IL1RAP: variants seen among roughly 807,000 people sequenced by gnomAD.
IL1RAP encodes interleukin 1 receptor accessory protein, also known as interleukin-1 receptor accessory protein.
A neutral mutation model predicts 60.7 loss-of-function variants in IL1RAP; 35 were observed. That is an observed-to-expected ratio of 0.58 (90% confidence interval 0.44 to 0.76). The LOEUF is 0.76. Ranked by LOEUF, IL1RAP falls within the 30% of genes least tolerant of loss-of-function variation. The probability of loss-of-function intolerance (pLI) is 0.00; values close to 1 mark genes in which losing one functional copy is unlikely to be tolerated. For synonymous variants in IL1RAP, 268 were observed against 250.9 expected, an observed-to-expected ratio of 1.07 and a Z score of -0.64; for missense variants, 572 against 693.9, an observed-to-expected ratio of 0.82 and a Z score of 1.97.
At chr3:190,575,646 G>A (rs13320341) in intron 3 of IL1RAP, among the ~76,000 whole-genome samples, 4,353 of 152,234 alleles carry the variant, frequency 0.029, 230 homozygotes, top group African/African-American at 0.099. Context: ...AGGAAGCCGT[G>A]GTCAGAGTGC....
downstream of IL1RAP, among the ~76,000 whole-genome samples, chr3:190,651,789 G>GTGTA (rs1345534709): frequency 6.6e-6 from 1 of 152,060 alleles, no homozygotes; most frequent in African/African-American, 2.4e-5. Flanking sequence ...GTATGTGTAT[G>GTGTA]TGTATGTGTA....
chr3:190,576,113 G>T (rs978484735), intron 3 of IL1RAP, among the ~76,000 whole-genome samples: 4 of 151,926 alleles, frequency 2.6e-5, no homozygotes, highest in African/African-American at 9.7e-5. Context: ...AAAACAAATC[G>T]CAGTTGAATT....
intron 3 of IL1RAP, among the ~76,000 whole-genome samples, chr3:190,567,250 G>A (rs1470227901): frequency 2.0e-5 from 3 of 152,114 alleles, no homozygotes; most frequent in Non-Finnish European, 4.4e-5. Context: ...TTCATCTTAG[G>A]TGATGATAAA....
At chr3:190,652,408 G>A (rs1156932186), downstream of IL1RAP, among the ~76,000 whole-genome samples, 4 of 151,546 alleles carry the variant, frequency 2.6e-5, no homozygotes, top group African/African-American at 7.3e-5. Flanking sequence ...ATTGCAGTGA[G>A]CTGAGATTGC....
chr3:190,611,363 A>G (rs1421717753), intron 5 of IL1RAP, among the ~76,000 whole-genome samples: 3 of 152,212 alleles, frequency 2.0e-5, no homozygotes, highest in Non-Finnish European at 4.4e-5. Flanking sequence ...ATAGAAATAC[A>G]TTGAACTGCA....
At position 190,538,860 on chromosome 3, in the gene IL1RAP, CCT is replaced by C. The variant is rs569700173; in HGVS notation, c.-88-17269_-88-17268del. ...CTGATGGCTTTATAAGGGGCTCTCC[CCT>C]GTTTTGCTCAGTACTTATTCCTACC... On this transcript the variant is annotated intron_variant, in intron 1 of 11. Coordinates refer to ENST00000447382, the MANE Select transcript of IL1RAP (RefSeq NM_002182.4). Among the ~76,000 whole-genome samples, 31 of 152,206 alleles carry C rather than the reference CCT, an allele frequency of 2.0e-4. No individual in the cohort carries two copies. In the South Asian group the frequency reaches 6.0e-3, roughly 30 times the overall value.
intron 9 of IL1RAP, among the ~76,000 whole-genome samples, chr3:190,634,454 A>AT (rs1199224704): frequency 1.3e-4 from 19 of 147,846 alleles, no homozygotes; most frequent in Admixed American, 3.4e-4. Context: ...ATACCAGCGA[A>AT]TTTTTTTTTT....
intron 4 of IL1RAP, among the ~76,000 whole-genome samples, chr3:190,604,978 C>T (rs1412834052): frequency 6.6e-6 from 1 of 152,158 alleles, no homozygotes. Context: ...ACATCTAGCC[C>T]CCAAATCAGA....
chr3:190,624,889 T>C (rs76600885), intron 7 of IL1RAP: 2,417 of 164,484 alleles, frequency 0.015, 19 homozygotes, highest in Non-Finnish European at 0.022. Flanking sequence ...CCTTAAGCCA[T>C]AAGTACAACT....
chr3:190,555,960 CT>C (rs1316176954), intron 1 of IL1RAP, 169 bp from the exon 2 acceptor site: 1 of 151,804 alleles, frequency 6.6e-6, no homozygotes, highest in African/African-American at 2.4e-5. Context: ...ATCTATCTAT[CT>C]ATCTATCTAT....
At position 190,649,675 on chromosome 3, in the gene IL1RAP, C is replaced by T. The variant is rs1341353485; in HGVS notation, c.*970C>T. 1 of 985,712 alleles carries T rather than the reference C, an allele frequency of 1.0e-6. No individual in the cohort carries two copies. The highest frequency in any genetic ancestry group is 1.2e-6 in the Non-Finnish European group (1 of 829,926). 61.1% of individuals were successfully genotyped at this position (985,712 alleles called of 1,614,324 possible). A position where few individuals can be genotyped will look rare whatever the true frequency, so the allele number is the denominator to read the frequency against. On this transcript the variant is annotated 3_prime_UTR_variant, in exon 12 of 12. Coordinates refer to ENST00000447382, the MANE Select transcript of IL1RAP (RefSeq NM_002182.4). ...GATTTTTTCTCACTCGTTTTTGTTG[C>T]TCCATTGTAAAGGGCGGAGGTCAGT...
At position 190,648,851 on chromosome 3, in the gene IL1RAP, T is replaced by C; in HGVS notation, c.*146T>C. 7.0e-7 allele frequency: 1 copy of C among 1,425,960 alleles called. No homozygotes were observed. Among genetic ancestry groups the C allele is most frequent in the Non-Finnish European group, 9.2e-7 (1 of 1,091,292 alleles). 88.3% of individuals were successfully genotyped at this position (1,425,960 alleles called of 1,614,324 possible). ...GATAAATTTAGGGTGACTGTGTGGC[T>C]GACTATTCTGCTTCCTCAGGCAACA... On this transcript the variant is annotated 3_prime_UTR_variant, in exon 12 of 12. Coordinates refer to ENST00000447382, the MANE Select transcript of IL1RAP (RefSeq NM_002182.4).
intron 5 of IL1RAP, chr3:190,615,288 G>C: frequency 7.9e-7 from 1 of 1,267,978 alleles, no homozygotes; most frequent in Non-Finnish European, 1.0e-6. Flanking sequence ...TATACCATGT[G>C]TATAAATGGG....
intron 2 of IL1RAP, among the ~76,000 whole-genome samples, chr3:190,562,933 T>G (rs1726041621): frequency 6.6e-6 from 1 of 152,130 alleles, no homozygotes; most frequent in Non-Finnish European, 1.5e-5. Flanking sequence ...CAACAGCTTG[T>G]GATATGACGA....
intron 7 of IL1RAP, among the ~76,000 whole-genome samples, chr3:190,624,100 A>G (rs1396577266): frequency 1.3e-5 from 2 of 152,236 alleles, no homozygotes; most frequent in Non-Finnish European, 2.9e-5. Context: ...AACAAAGACA[A>G]TAGCTCTCCA....
intron 9 of IL1RAP, among the ~76,000 whole-genome samples, chr3:190,637,606 T>C (rs1008902834): frequency 1.3e-5 from 2 of 152,128 alleles, no homozygotes; most frequent in Non-Finnish European, 2.9e-5. Flanking sequence ...GTAGGTTTCT[T>C]TTCTAGGTAA....
At chr3:190,630,327 A>G (rs772045042) in intron 9 of IL1RAP, 9 of 359,308 alleles carry the variant, frequency 2.5e-5, no homozygotes, top group Non-Finnish European at 3.5e-5. Flanking sequence ...CTCACCTAAC[A>G]CAGAATCCCA....
At chr3:190,536,423 CCT>C (rs536825462) in intron 1 of IL1RAP, among the ~76,000 whole-genome samples, 1 of 152,008 alleles carries the variant, frequency 6.6e-6, no homozygotes, top group African/African-American at 2.4e-5. Context: ...TGACTGCATG[CCT>C]CTGATTCTGT....
rs139207994 is a variant in IL1RAP at position 190,597,869 on chromosome 3, G to A, written c.65-6259G>A. On this transcript the variant is annotated intron_variant, in intron 3 of 11. Transcript: ENST00000447382. Reference sequence around the variant, plus strand: ...TTTACAAAAGAAAAATCTACATGTCGCTCATCATCTATCTTACTATTAATT... The same window carrying A: ...TTTACAAAAGAAAAATCTACATGTCACTCATCATCTATCTTACTATTAATT... Among the ~76,000 whole-genome samples the A allele has an allele frequency of 3.6e-4, 55 of 151,986 alleles. 1 individual carries two copies. The highest frequency in any genetic ancestry group is 1.2e-3 in the African/African-American group (49 of 41,436).
Sources: allele counts gnomAD v4.1 joint callset (sites outside exome capture counted in the v4.1 genomes callset), GRCh38; gene constraint gnomAD v4.1.1; transcripts MANE v1.5; gene names NCBI Gene and HGNC (gene_info 2026-07-23, HGNC 2026-07-21).